Variants in CEP350 observed in about 807,000 individuals in gnomAD.
The protein encoded by CEP350 is centrosome-associated protein 350.
Under a neutral mutation model 331.8 loss-of-function variants are expected in CEP350, and 126 were observed. The observed-to-expected ratio is 0.38, with a 90% confidence interval of 0.33 to 0.44. The LOEUF is 0.44. CEP350 is among the 20% of genes least tolerant of loss of function. CEP350 has a pLI of 1.00. For missense variants in CEP350, 3,406 were observed against 3,634.6 expected (o/e 0.94, Z 1.62); for synonymous variants, 1,200 against 1,259.5 (o/e 0.95, Z 1.00).
chr1:180,047,293 G>A (rs540145887), intron 21 of CEP350, among the ~76,000 whole-genome samples: 6 of 152,130 alleles, frequency 3.9e-5, no homozygotes, highest in East Asian at 1.9e-4. Flanking sequence ...GGGAATATAC[G>A]TTTCGTTTGT....
chr1:180,014,121 A>G lies in CEP350; in HGVS notation c.1668A>G (p.Ser556=), dbSNP rs939368401. The G allele has an allele frequency of 5.6e-6, 9 of 1,610,716 alleles. No individual in the cohort carries two copies. In the African/African-American group the frequency reaches 1.1e-4, roughly 19 times the overall value. Residue 556 remains serine, a synonymous_variant, in exon 10 of 38, where the codon TCA becomes TCG. Coordinates refer to ENST00000367607, the MANE Select transcript of CEP350 (RefSeq NM_014810.5). ...QDTVELQNQK[S]SAPVHAPRSH... ...CTGTAGAGTTACAGAACCAGAAGTC[A>G]TCAGCACCAGTACATGCTCCTAGGA...
At chr1:180,105,332 C>T (rs529563098) in intron 37 of CEP350, among the ~76,000 whole-genome samples, 97 of 152,182 alleles carry the variant, frequency 6.4e-4, no homozygotes, top group African/African-American at 2.3e-3. Flanking sequence ...TTTGTCTACA[C>T]TCCTTCTCAG....
At chr1:179,994,477 A>T in intron 5 of CEP350, among the ~76,000 whole-genome samples, 2 of 134,834 alleles carry the variant, frequency 1.5e-5, no homozygotes, top group Non-Finnish European at 1.6e-5. Flanking sequence ...TTTTTGAGAC[A>T]GTGTCTCACT....
At chr1:180,081,767 T>C (rs1659581896) in intron 30 of CEP350, among the ~76,000 whole-genome samples, 1 of 152,216 alleles carries the variant, frequency 6.6e-6, no homozygotes, top group Non-Finnish European at 1.5e-5. Flanking sequence ...AAAGGTGTAG[T>C]AAAAATATTA....
intron 11 of CEP350, among the ~76,000 whole-genome samples, chr1:180,019,384 C>T (rs776999218): frequency 1.3e-5 from 2 of 152,034 alleles, no homozygotes; most frequent in African/African-American, 2.4e-5. Flanking sequence ...GATTGTTTCA[C>T]GTTCATTAAT....
chr1:179,980,046 A>G (rs1035792658), intron 1 of CEP350, among the ~76,000 whole-genome samples: 1 of 151,876 alleles, frequency 6.6e-6, no homozygotes, highest in Non-Finnish European at 1.5e-5. Flanking sequence ...GGATTTCAGG[A>G]TTGTTTTTTC....
At position 180,112,264 on chromosome 1, in the gene CEP350, TGGTTC is replaced by T. The variant is rs1281981272; in HGVS notation, c.*1104_*1108del. 1 of 152,644 alleles carries T rather than the reference TGGTTC, an allele frequency of 6.6e-6. No homozygotes were observed. Among genetic ancestry groups the T allele is most frequent in the Non-Finnish European group, 1.5e-5 (1 of 68,050 alleles). 9.5% of individuals were successfully genotyped at this position (152,644 alleles called of 1,614,324 possible). A position where few individuals can be genotyped will look rare whatever the true frequency, so the allele number is the denominator to read the frequency against. On this transcript the variant is annotated 3_prime_UTR_variant, in exon 38 of 38. Coordinates refer to ENST00000367607, the MANE Select transcript of CEP350 (RefSeq NM_014810.5). ...TTAAACCTCCATCTTGAAGCTTCTA[TGGTTC>T]ATAGTCTTTGCACAGGAACCTGTGG... is the stretch of plus-strand genomic sequence containing the variant.
chr1:180,023,726 A>G (rs1173232963), intron 13 of CEP350, among the ~76,000 whole-genome samples: 2 of 152,236 alleles, frequency 1.3e-5, no homozygotes, highest in Admixed American at 6.5e-5. Context: ...ACTTGTACAT[A>G]GTCACATAGT....
At chr1:179,980,846 T>C (rs1176787702) in intron 1 of CEP350, among the ~76,000 whole-genome samples, 1 of 152,146 alleles carries the variant, frequency 6.6e-6, no homozygotes, top group Non-Finnish European at 1.5e-5. Context: ...GCAGTTGATA[T>C]GCAAGATTAC....
intron 1 of CEP350, among the ~76,000 whole-genome samples, chr1:179,983,298 G>A (rs1357960617): frequency 6.6e-6 from 1 of 151,816 alleles, no homozygotes; most frequent in Non-Finnish European, 1.5e-5. Flanking sequence ...GCAGTGGTGC[G>A]ATCTTGGCTC....
chr1:180,074,371 CAAGT>C (rs1430943717), intron 27 of CEP350, among the ~76,000 whole-genome samples: 1 of 152,004 alleles, frequency 6.6e-6, no homozygotes, highest in Non-Finnish European at 1.5e-5. Flanking sequence ...TCCCTTTACT[CAAGT>C]AAATAAATAG....
Position 179,990,458 on chromosome 1 carries a change from G to A in CEP350, c.121-49G>A, listed in dbSNP as rs775886906. The A allele has an allele frequency of 1.5e-5, 14 of 952,734 alleles. No individual in the cohort carries two copies. In the African/African-American group the frequency reaches 2.0e-4, roughly 13 times the overall value. The allele number at this position is 952,734 out of a possible 1,614,324, so 59.0% of individuals were successfully genotyped here. ...TAACCATGTAAATTGATGGTAGCTG[G>A]ATTATTTACAGAATTAACTTATGTC... On this transcript the variant is annotated intron_variant, in intron 3 of 37. Coordinates refer to ENST00000367607, the MANE Select transcript of CEP350 (RefSeq NM_014810.5).
rs1386370359 is a variant in CEP350, at chr1:179,992,105, C to T, written c.279C>T (p.Ser93=). The change falls in exon 5 of 38, where the codon TCC becomes TCT. Residue 93 remains serine (S), a synonymous_variant. Transcript: ENST00000367607. ...ATTCTTGGGTTAATGCTCCAATCTC[C>T]AAATCCACTAAATCACGAAAAGAGA... ...LDDSWVNAPI[S]KSTKSRKEKS... is the part of the protein sequence containing the mutation. 6.4e-7 allele frequency: 1 copy of T among 1,554,626 alleles called. No homozygotes were observed. The highest frequency in any genetic ancestry group is 8.7e-7 in the Non-Finnish European group (1 of 1,152,576).
chr1:180,025,679 A>G (rs759347709), intron 14 of CEP350, among the ~76,000 whole-genome samples: 37 of 152,186 alleles, frequency 2.4e-4, no homozygotes, highest in Non-Finnish European at 5.0e-4. Flanking sequence ...GTTCTCACTC[A>G]TAAGTGGGAG....
chr1:180,000,186 T>C (rs1653766347), intron 6 of CEP350, among the ~76,000 whole-genome samples: 1 of 152,122 alleles, frequency 6.6e-6, no homozygotes, highest in Non-Finnish European at 1.5e-5. Context: ...AAAGTTAACA[T>C]ATAAGATGCA....
Position 180,111,420 on chromosome 1 carries a change from C to G in CEP350, c.*259C>G, listed in dbSNP as rs1661463153. 6.6e-6 allele frequency: 2 copies of G among 303,184 alleles called. No homozygotes were observed. The allele number at this position is 303,184 out of a possible 1,614,324, so 18.8% of individuals were successfully genotyped here. On this transcript the variant is annotated 3_prime_UTR_variant, in exon 38 of 38. Transcript: ENST00000367607. ...GTAATCCTACACCTTTTGCTAACAC[C>G]CCTACTAGGTCCCAGAGGGCCAGAA...
At chr1:179,998,312 T>C (rs1424918572) in intron 6 of CEP350, among the ~76,000 whole-genome samples, 3 of 143,132 alleles carry the variant, frequency 2.1e-5, no homozygotes, top group Non-Finnish European at 4.5e-5. Context: ...TCTTTTTTTT[T>C]TTTTTTTTTT....
intron 7 of CEP350, 43 bp downstream of exon 7, chr1:180,003,330 A>T: frequency 1.7e-6 from 2 of 1,196,676 alleles, no homozygotes; most frequent in Non-Finnish European, 1.2e-6. Context: ...TTTGTCATAC[A>T]TGCTATCTAA....
At chr1:180,011,079 C>T (rs1331614098) in intron 8 of CEP350, among the ~76,000 whole-genome samples, 2 of 151,608 alleles carry the variant, frequency 1.3e-5, no homozygotes, top group African/African-American at 4.8e-5. Flanking sequence ...GGATGAAAAT[C>T]TTTTTTTCTT....
Sources: allele counts gnomAD v4.1 joint callset (sites outside exome capture counted in the v4.1 genomes callset), GRCh38; gene constraint gnomAD v4.1.1; transcripts MANE v1.5; gene names NCBI Gene and HGNC (gene_info 2026-07-23, HGNC 2026-07-21).